Variants in TENM2 observed in about 807,000 individuals in gnomAD.
The protein encoded by TENM2 is teneurin-2.
TENM2 carries 52 observed loss-of-function variants against 245.2 expected under a neutral mutation model. The ratio of observed to expected loss-of-function variants is 0.21; its 90% CI spans 0.17 to 0.27. TENM2 has a LOEUF of 0.27. Ranked by LOEUF, TENM2 falls within the 10% of genes least tolerant of loss-of-function variation. The pLI, the probability that TENM2 is intolerant of heterozygous loss-of-function variation, is 1.00. For synonymous variants in TENM2, 1,363 were observed against 1,438.9 expected, an observed-to-expected ratio of 0.95 and a Z score of 1.19; for missense variants, 3,046 against 3,666.8, an observed-to-expected ratio of 0.83 and a Z score of 4.37.
intron 1 of TENM2, among the ~76,000 whole-genome samples, chr5:167,323,672 G>A (rs1223554309): frequency 6.6e-6 from 1 of 152,122 alleles, no homozygotes; most frequent in Non-Finnish European, 1.5e-5. Context: ...TGAAAATTTT[G>A]ATAAATGTTA....
intron 2 of TENM2, among the ~76,000 whole-genome samples, chr5:167,550,997 G>A (rs1250613406): frequency 6.6e-6 from 1 of 152,058 alleles, no homozygotes; most frequent in Admixed American, 6.5e-5. Flanking sequence ...CCAAAGTGCT[G>A]GGATTACAGG....
At chr5:167,380,981 G>T (rs1484160206) in intron 2 of TENM2, among the ~76,000 whole-genome samples, 1 of 152,024 alleles carries the variant, frequency 6.6e-6, no homozygotes, top group East Asian at 1.9e-4. Flanking sequence ...TGAGAATTAA[G>T]GTCATAAATA....
the TENM2 span, among the ~76,000 whole-genome samples, chr5:166,994,835 C>T: frequency 6.6e-6 from 1 of 152,118 alleles, no homozygotes; most frequent in Non-Finnish European, 1.5e-5. Flanking sequence ...CTCTTCACCT[C>T]GAGGTCTACG....
chr5:167,863,690 A>G (rs1476773482), intron 2 of TENM2, among the ~76,000 whole-genome samples: 1 of 152,146 alleles, frequency 6.6e-6, no homozygotes, highest in Non-Finnish European at 1.5e-5. Context: ...GTTATGTCAT[A>G]GTACAATAAG....
At chr5:167,779,307 G>C (rs1410955825) in intron 2 of TENM2, among the ~76,000 whole-genome samples, 1 of 152,124 alleles carries the variant, frequency 6.6e-6, no homozygotes, top group East Asian at 1.9e-4. Context: ...CATTACTCCA[G>C]CCTCCATTGA....
At chr5:168,069,257 A>G (rs1269251992) in intron 7 of TENM2, among the ~76,000 whole-genome samples, 1 of 152,208 alleles carries the variant, frequency 6.6e-6, no homozygotes, top group East Asian at 1.9e-4. Flanking sequence ...AAAGCCTAGT[A>G]CAGATCTTTA....
At chr5:167,183,339 C>T in the TENM2 span, among the ~76,000 whole-genome samples, 1 of 152,098 alleles carries the variant, frequency 6.6e-6, no homozygotes, top group African/African-American at 2.4e-5. Context: ...ATGTATAGTA[C>T]TTATTAGGAA....
chr5:167,046,935 T>C, the TENM2 span, among the ~76,000 whole-genome samples: 2 of 151,664 alleles, frequency 1.3e-5, no homozygotes, highest in African/African-American at 4.8e-5. Flanking sequence ...ACCTCCCACT[T>C]AGGAGTGAGA....
chr5:167,437,209 A>C (rs556913931), intron 2 of TENM2, among the ~76,000 whole-genome samples: 2 of 152,264 alleles, frequency 1.3e-5, no homozygotes, highest in East Asian at 1.9e-4. Context: ...GCCCAAGACC[A>C]TGGGAACCCA....
At chr5:167,808,498 G>A (rs1171981390) in intron 2 of TENM2, among the ~76,000 whole-genome samples, 3 of 152,158 alleles carry the variant, frequency 2.0e-5, no homozygotes, top group African/African-American at 4.8e-5. Context: ...GACCTCAGGT[G>A]ATCAGCCTAC....
chr5:167,631,827 C>G (rs1582598309), intron 2 of TENM2, among the ~76,000 whole-genome samples: 1 of 152,150 alleles, frequency 6.6e-6, no homozygotes, highest in South Asian at 2.1e-4. Context: ...GCCACACACT[C>G]TCATAAATAC....
chr5:167,616,369 A>G (rs1777788340), intron 2 of TENM2, among the ~76,000 whole-genome samples: 1 of 152,140 alleles, frequency 6.6e-6, no homozygotes, highest in African/African-American at 2.4e-5. Context: ...CACTTTGTTT[A>G]TAGCATTCTT....
At chr5:168,241,967 C>T (rs918691529) in intron 25 of TENM2, among the ~76,000 whole-genome samples, 1 of 152,148 alleles carries the variant, frequency 6.6e-6, no homozygotes, top group African/African-American at 2.4e-5. Flanking sequence ...ACACCTAGAT[C>T]AACAGAGATC....
chr5:167,764,145 T>A (rs895791433), intron 2 of TENM2, among the ~76,000 whole-genome samples: 4 of 151,890 alleles, frequency 2.6e-5, no homozygotes, highest in Non-Finnish European at 5.9e-5. Flanking sequence ...GAAAAAAAAA[T>A]ATATTGTTAG....
chr5:168,053,326 A>G (rs961440990), intron 6 of TENM2, among the ~76,000 whole-genome samples: 3 of 152,290 alleles, frequency 2.0e-5, no homozygotes, highest in Non-Finnish European at 2.9e-5. Context: ...TCTGTTGTAC[A>G]TAGCATCATG....
chr5:167,292,313 G>A (rs533307404), intron 1 of TENM2, among the ~76,000 whole-genome samples: 2 of 152,108 alleles, frequency 1.3e-5, no homozygotes, highest in Admixed American at 1.3e-4. Flanking sequence ...CTCAAAATTT[G>A]TTTCCGTTTT....
the TENM2 span, among the ~76,000 whole-genome samples, chr5:167,256,831 A>C: frequency 2.0e-5 from 3 of 152,130 alleles, no homozygotes; most frequent in Non-Finnish European, 2.9e-5. Context: ...GTTTTGGAGG[A>C]CTTTGGGAAA....
At chr5:166,996,836 A>G in the TENM2 span, among the ~76,000 whole-genome samples, 1 of 152,222 alleles carries the variant, frequency 6.6e-6, no homozygotes, top group Non-Finnish European at 1.5e-5. Context: ...TATTCAAAGA[A>G]TGGGGTCTTA....
At chr5:167,406,027 C>T (rs762496539) in intron 2 of TENM2, among the ~76,000 whole-genome samples, 2 of 152,000 alleles carry the variant, frequency 1.3e-5, no homozygotes, top group Admixed American at 1.3e-4. Context: ...TGAATATAAA[C>T]AGGGCCTCTT....
Sources: gnomAD v4.1 joint callset for allele counts (sites outside exome capture counted in the v4.1 genomes callset) on GRCh38, gnomAD v4.1.1 for gene constraint, MANE v1.5 for transcripts, NCBI Gene and HGNC (gene_info 2026-07-23, HGNC 2026-07-21) for gene names.